The following SH3D19 variants were observed in gnomAD, a reference collection of about 807,000 sequenced individuals.
SH3D19 encodes the protein SH3 domain containing 19.
In SH3D19, 58 loss-of-function variants were observed where a neutral mutation model predicts 112.1. That is an observed-to-expected ratio of 0.52 (90% CI 0.42 to 0.64). The LOEUF is 0.64. SH3D19 is among the 30% of genes least tolerant of loss of function. The pLI is 0.00. For synonymous variants in SH3D19, 391 were observed against 448.5 expected, an observed-to-expected ratio of 0.87 and a Z score of 1.62; for missense variants, 1,090 against 1,263.4, an observed-to-expected ratio of 0.86 and a Z score of 2.08.
In SH3D19 at chr4:151,239,405, T is replaced by C. The variant is rs909127183; in HGVS notation, c.113-13319A>G. 2.0e-5 allele frequency among the ~76,000 whole-genome samples: 3 copies of C among 151,854 alleles called. No individual in the cohort carries two copies. In the South Asian group the frequency reaches 6.2e-4, roughly 31 times the overall value. On this transcript the variant is annotated intron_variant, in intron 1 of 19. Transcript: ENST00000604030. ...TCAGCTGAGCTAAAAAGCCTCTGTG[T>C]TGTTTTTGTTTTTTTTTAGGGGTGG... is the stretch of plus-strand genomic sequence containing the variant.
intron 9 of SH3D19, among the ~76,000 whole-genome samples, chr4:151,156,359 T>C (rs1431187222): frequency 2.6e-5 from 4 of 152,064 alleles, no homozygotes; most frequent in Non-Finnish European, 5.9e-5. Flanking sequence ...AGGCCCCGAA[T>C]AGTCAAAACA....
At chr4:151,177,786 A>G (rs1760183906) in intron 4 of SH3D19, among the ~76,000 whole-genome samples, 1 of 152,218 alleles carries the variant, frequency 6.6e-6, no homozygotes, top group Non-Finnish European at 1.5e-5. Context: ...GTTCACTTCT[A>G]GACTTTGATA....
intron 11 of SH3D19, 115 bp from the exon 12 acceptor site, chr4:151,144,165 A>G (rs1579755509): frequency 1.3e-6 from 2 of 1,596,994 alleles, no homozygotes; most frequent in East Asian, 4.5e-5. Flanking sequence ...TGGTAGTAAC[A>G]GAGGCCAGTA....
At chr4:151,233,229 T>C (rs1230531326) in intron 1 of SH3D19, among the ~76,000 whole-genome samples, 1 of 151,920 alleles carries the variant, frequency 6.6e-6, no homozygotes, top group Non-Finnish European at 1.5e-5. Context: ...TATGGTGAGT[T>C]GTATAATTAT....
chr4:151,242,829 C>T (rs1192035594), intron 1 of SH3D19, among the ~76,000 whole-genome samples: 4 of 152,074 alleles, frequency 2.6e-5, no homozygotes, highest in African/African-American at 9.7e-5. Flanking sequence ...AGATTCTAAA[C>T]CTCTAAATAT....
intron 1 of SH3D19, among the ~76,000 whole-genome samples, chr4:151,297,711 G>T (rs1561441968): frequency 6.6e-6 from 1 of 152,178 alleles, no homozygotes; most frequent in East Asian, 1.9e-4. Flanking sequence ...GCCAAGCAGA[G>T]AAATCAAATG....
intron 1 of SH3D19, among the ~76,000 whole-genome samples, chr4:151,230,217 T>C (rs1769504132): frequency 6.6e-6 from 1 of 152,250 alleles, no homozygotes; most frequent in Non-Finnish European, 1.5e-5. Context: ...GCCCCTGTTC[T>C]GGCACAGACA....
At chr4:151,291,203 A>C (rs1257529885) in intron 1 of SH3D19, 2 of 1,613,478 alleles carry the variant, frequency 1.2e-6, no homozygotes, top group Admixed American at 3.3e-5. Flanking sequence ...GAATGTGGTA[A>C]ATCTCTTCCT....
At chr4:151,202,313 C>T (rs780191373) in intron 2 of SH3D19, among the ~76,000 whole-genome samples, 3 of 152,260 alleles carry the variant, frequency 2.0e-5, no homozygotes, top group South Asian at 2.1e-4. Context: ...CCAGCCTAGG[C>T]GACAGAGCAA....
chr4:151,196,565 GTT>G (rs55784080), intron 2 of SH3D19, among the ~76,000 whole-genome samples: 1 of 146,776 alleles, frequency 6.8e-6, no homozygotes. Flanking sequence ...TATAGTATTA[GTT>G]TTTTTTTTTT....
chr4:151,270,488 C>A (rs1003486139), intron 1 of SH3D19, among the ~76,000 whole-genome samples: 1 of 152,212 alleles, frequency 6.6e-6, no homozygotes, highest in Non-Finnish European at 1.5e-5. Flanking sequence ...GCCTGCAGAA[C>A]CATGAGCCAA....
chr4:151,168,593 C>G (rs934133080), intron 7 of SH3D19, among the ~76,000 whole-genome samples: 17 of 151,932 alleles, frequency 1.1e-4, no homozygotes, highest in Admixed American at 2.6e-4. Context: ...TGCCACCATG[C>G]CTGGCTAATT....
At chr4:151,282,094 C>A (rs1774292394) in intron 1 of SH3D19, 1 of 1,591,408 alleles carries the variant, frequency 6.3e-7, no homozygotes, top group African/African-American at 1.3e-5. Context: ...ATATAGGCAG[C>A]CTGTTCTGAC....
chr4:151,128,845 A>G (rs1271739043), intron 17 of SH3D19, among the ~76,000 whole-genome samples: 1 of 152,028 alleles, frequency 6.6e-6, no homozygotes, highest in Non-Finnish European at 1.5e-5. Context: ...AAGTCTCACT[A>G]TGTTGCCCAG....
chr4:151,269,187 G>T (rs1361432689), intron 1 of SH3D19, among the ~76,000 whole-genome samples: 2 of 152,264 alleles, frequency 1.3e-5, no homozygotes, highest in Admixed American at 6.5e-5. Flanking sequence ...TTCTCTGATG[G>T]CCAGTGATGG....
At position 151,241,217 on chromosome 4, in the gene SH3D19, A is replaced by G. The variant is rs532298912; in HGVS notation, c.113-15131T>C. Among the ~76,000 whole-genome samples, 5 of 152,080 alleles carry G rather than the reference A, an allele frequency of 3.3e-5. No homozygotes were observed. The East Asian group carries it at 9.6e-4, about 29-fold the overall frequency. Reference sequence around the variant, plus strand: ...TGAGGCAGGAGGATTCCTTGAGCCCAGGAATTCAAGGCAGCAGTGAGCTAT... The same window carrying G: ...TGAGGCAGGAGGATTCCTTGAGCCCGGGAATTCAAGGCAGCAGTGAGCTAT... On this transcript the variant is annotated intron_variant, in intron 1 of 19. Coordinates refer to ENST00000604030, the MANE Select transcript of SH3D19 (RefSeq NM_001378122.1).
chr4:151,218,414 T>G, intron 2 of SH3D19, among the ~76,000 whole-genome samples: 1 of 149,900 alleles, frequency 6.7e-6, no homozygotes. Flanking sequence ...CTATGCAGAG[T>G]TTTTTTTTTT....
Position 151,135,125 on chromosome 4 carries a change from A to G in SH3D19, c.2435T>C (p.Ile812Thr), listed in dbSNP as rs369054088. 2 of 1,603,274 alleles carry G rather than the reference A, an allele frequency of 1.2e-6. No homozygotes were observed. The highest frequency in any genetic ancestry group is 1.3e-5 in the African/African-American group (1 of 74,368). Reference protein sequence around the residue: ...PANYVKVIIDIPEGGNGKREC... With the variant: ...PANYVKVIIDTPEGGNGKREC... Reference sequence around the variant, plus strand: ...TCTTTTCCCATTTCCTCCTTCTGGGATATCAATCTAGCAAAGATAAAATCA... The same window carrying G: ...TCTTTTCCCATTTCCTCCTTCTGGGGTATCAATCTAGCAAAGATAAAATCA... The change falls in exon 15 of 20, where the codon ATC becomes ACC. Residue 812 changes from isoleucine (I) to threonine (T), a missense_variant. Ile to Thr is a moderately conservative substitution (Grantham distance 89, BLOSUM62 -1). Transcript: ENST00000604030.
chr4:151,174,931 G>A lies in SH3D19; in HGVS notation c.1273C>T (p.Leu425=), dbSNP rs764064954. The stretch of plus-strand genomic sequence containing the variant: ...TTTTCTGAGGAAACAGATTTCTTCA[G>A]CAGCAAAGGCCGCGGGGCAGGAGTT... ...VPTPAPRPLL[L]KKSVSSENPT... The change falls in exon 7 of 20, where the codon CTG becomes TTG. Residue 425 remains leucine (L), a synonymous_variant. Coordinates refer to ENST00000604030, the MANE Select transcript of SH3D19 (RefSeq NM_001378122.1). 7.4e-6 allele frequency: 12 copies of A among 1,613,718 alleles called. No homozygotes were observed. The East Asian group carries it at 2.5e-4, about 33-fold the overall frequency.
Sources: gnomAD v4.1 joint callset for allele counts (sites outside exome capture counted in the v4.1 genomes callset) on GRCh38, gnomAD v4.1.1 for gene constraint, MANE v1.5 for transcripts, NCBI Gene and HGNC (gene_info 2026-07-23, HGNC 2026-07-21) for gene names.